The following CDK14 variants were observed in gnomAD, a reference collection of about 807,000 sequenced individuals.
The protein encoded by CDK14 is cyclin-dependent kinase 14.
A neutral mutation model predicts 60.7 loss-of-function variants in CDK14; 34 were observed. The ratio of observed to expected loss-of-function variants is 0.56; its 90% CI spans 0.43 to 0.75. The LOEUF (loss-of-function observed/expected upper bound fraction) is 0.75. Ranked by LOEUF, CDK14 falls within the 30% of genes least tolerant of loss-of-function variation. The pLI is 0.00. For missense variants in CDK14, 482 were observed against 564.1 expected (o/e 0.85, Z 1.47); for synonymous variants, 197 against 203.7 (o/e 0.97, Z 0.28).
intron 14 of CDK14, among the ~76,000 whole-genome samples, chr7:91,136,726 C>G (rs1800290827): frequency 6.6e-6 from 1 of 152,090 alleles, no homozygotes; most frequent in African/African-American, 2.4e-5. Flanking sequence ...TCCTTTATCA[C>G]TGTTTTAGTT....
chr7:90,763,953 C>G (rs1386617142), intron 4 of CDK14, among the ~76,000 whole-genome samples: 1 of 151,982 alleles, frequency 6.6e-6, no homozygotes, highest in East Asian at 1.9e-4. Flanking sequence ...GAATACTGTC[C>G]CATTTGGATG....
intron 6 of CDK14, among the ~76,000 whole-genome samples, chr7:90,895,352 T>TCAC (rs1380208225): frequency 2.4e-4 from 11 of 45,174 alleles, no homozygotes; most frequent in Middle Eastern, 6.8e-3. Flanking sequence ...TCTCCTCTCC[T>TCAC]CTCCTCACCT....
chr7:90,963,965 C>T (rs1019721330), intron 9 of CDK14, among the ~76,000 whole-genome samples: 2 of 151,982 alleles, frequency 1.3e-5, no homozygotes, highest in African/African-American at 4.8e-5. Flanking sequence ...CCACCTGCCT[C>T]GGTCTCCCAA....
chr7:91,178,489 C>T (rs1303437415), intron 14 of CDK14, among the ~76,000 whole-genome samples: 3 of 147,470 alleles, frequency 2.0e-5, no homozygotes, highest in Non-Finnish European at 4.5e-5. Flanking sequence ...AGAGCTTCTG[C>T]ACAGCAAAAG....
Position 91,070,253 on chromosome 7 carries a change from GC to G in CDK14, c.1106-9178del, listed in dbSNP as rs1798100646. ...TTAACTCATTTATTTTGTTGTTGCT[GC>G]TGCTGCTGCTGCTGCTGGTGGTGGT... On this transcript the variant is annotated intron_variant, in intron 11 of 14. Coordinates refer to ENST00000380050, the MANE Select transcript of CDK14 (RefSeq NM_001287135.2). Among the ~76,000 whole-genome samples, 16 of 91,330 alleles carry G rather than the reference GC, an allele frequency of 1.8e-4. No individual in the cohort carries two copies. The Admixed American group carries it at 2.0e-3, about 12-fold the overall frequency. The allele number at this position is 91,330 out of a possible 152,430, so 59.9% of individuals were successfully genotyped here.
At chr7:90,868,858 A>G (rs993970593) in intron 6 of CDK14, among the ~76,000 whole-genome samples, 1 of 152,208 alleles carries the variant, frequency 6.6e-6, no homozygotes, top group Non-Finnish European at 1.5e-5. Context: ...TGGTAAAGAT[A>G]TGACTTTAGC....
intron 12 of CDK14, among the ~76,000 whole-genome samples, chr7:91,105,621 T>C (rs1799269321): frequency 6.6e-6 from 1 of 152,062 alleles, no homozygotes; most frequent in Non-Finnish European, 1.5e-5. Flanking sequence ...CCTCTCAGGT[T>C]TCCCATAGAT....
At chr7:91,175,335 T>C (rs909286086) in intron 14 of CDK14, among the ~76,000 whole-genome samples, 3 of 151,990 alleles carry the variant, frequency 2.0e-5, no homozygotes, top group Non-Finnish European at 2.9e-5. Context: ...GAACAACCGG[T>C]ATCAGCTGCT....
At chr7:90,841,462 A>G (rs1790287379) in intron 5 of CDK14, among the ~76,000 whole-genome samples, 3 of 152,214 alleles carry the variant, frequency 2.0e-5, no homozygotes, top group South Asian at 2.1e-4. Flanking sequence ...CTCTAAAAAT[A>G]AAGTCTATTA....
At chr7:90,798,603 T>A (rs1039693707) in intron 5 of CDK14, among the ~76,000 whole-genome samples, 1 of 152,236 alleles carries the variant, frequency 6.6e-6, no homozygotes, top group African/African-American at 2.4e-5. Context: ...GAAAGCACCA[T>A]GCACAGTAAA....
intron 11 of CDK14, among the ~76,000 whole-genome samples, chr7:91,052,851 G>C (rs890541438): frequency 6.6e-6 from 1 of 152,160 alleles, no homozygotes; most frequent in African/African-American, 2.4e-5. Context: ...GTCTCCCAAC[G>C]AATGAAATAA....
At chr7:91,170,195 A>G (rs1463028619) in intron 14 of CDK14, among the ~76,000 whole-genome samples, 1 of 152,232 alleles carries the variant, frequency 6.6e-6, no homozygotes, top group Non-Finnish European at 1.5e-5. Flanking sequence ...GTGTTCACAG[A>G]TATGGAAAGG....
chr7:90,744,453 C>T (rs1327009836), intron 3 of CDK14, among the ~76,000 whole-genome samples: 1 of 152,242 alleles, frequency 6.6e-6, no homozygotes, highest in Non-Finnish European at 1.5e-5. Flanking sequence ...TCAATCTTTT[C>T]CCCACTTTTC....
intron 2 of CDK14, among the ~76,000 whole-genome samples, chr7:90,614,911 G>T (rs1053471715): frequency 3.9e-5 from 6 of 151,990 alleles, no homozygotes; most frequent in Non-Finnish European, 8.8e-5. Flanking sequence ...CTTAGGCTGG[G>T]GATATGGAAA....
At chr7:90,801,249 C>T (rs1342879949) in intron 5 of CDK14, among the ~76,000 whole-genome samples, 1 of 152,192 alleles carries the variant, frequency 6.6e-6, no homozygotes, top group Admixed American at 6.6e-5. Context: ...GTTTTGATAA[C>T]ACTCTTCTTT....
rs564220932 is a variant in CDK14 at position 91,187,111 on chromosome 7, A to C, written c.*29-20054A>C. ...AAATATTGCTTTAATTCATTTAAAC[A>C]TGATAATTACTCTTTGTGCTTGTAA... On this transcript the variant is annotated intron_variant, in intron 14 of 14. Coordinates refer to ENST00000380050, the MANE Select transcript of CDK14 (RefSeq NM_001287135.2). 5.2e-5 allele frequency among the ~76,000 whole-genome samples: 8 copies of C among 152,392 alleles called. No individual in the cohort carries two copies. In the South Asian group the frequency reaches 8.3e-4, roughly 16 times the overall value.
intron 7 of CDK14, among the ~76,000 whole-genome samples, chr7:90,915,207 C>T (rs1010924466): frequency 1.3e-5 from 2 of 152,022 alleles, no homozygotes; most frequent in Admixed American, 6.6e-5. Context: ...GAGGCTGAGG[C>T]GGGCAGATCA....
At chr7:91,107,046 C>T (rs375797175) in intron 12 of CDK14, among the ~76,000 whole-genome samples, 1 of 152,300 alleles carries the variant, frequency 6.6e-6, no homozygotes, top group African/African-American at 2.4e-5. Context: ...AGAGTTTTGA[C>T]CTAGATGGGT....
chr7:90,914,332 C>G (rs2117405893), intron 7 of CDK14, among the ~76,000 whole-genome samples: 1 of 152,298 alleles, frequency 6.6e-6, no homozygotes, highest in Non-Finnish European at 1.5e-5. Flanking sequence ...TAGATCCACC[C>G]TTTTCTGTGC....
Sources: allele counts gnomAD v4.1 joint callset (sites outside exome capture counted in the v4.1 genomes callset), GRCh38; gene constraint gnomAD v4.1.1; transcripts MANE v1.5; gene names NCBI Gene and HGNC (gene_info 2026-07-23, HGNC 2026-07-21).